The following SLC41A3 variants were observed in gnomAD, a reference collection of about 807,000 sequenced individuals.
SLC41A3 encodes solute carrier family 41 member 3.
A neutral mutation model predicts 45.4 loss-of-function variants in SLC41A3; 44 were observed. That is an observed-to-expected ratio of 0.97 (90% CI 0.76 to 1.25). The LOEUF is 1.25. Among genes scored for constraint, SLC41A3 ranks in the 50% most tolerant of loss-of-function variants. The probability of loss-of-function intolerance (pLI) is 0.00; values close to 1 mark genes in which losing one functional copy is unlikely to be tolerated. For synonymous variants in SLC41A3, 256 were observed against 252.4 expected (o/e 1.01, Z -0.13); for missense variants, 550 against 600.6 (o/e 0.92, Z 0.88).
chr3:126,049,686 G>T (rs1203321144), intron 3 of SLC41A3, among the ~76,000 whole-genome samples: 1 of 152,160 alleles, frequency 6.6e-6, no homozygotes, highest in Non-Finnish European at 1.5e-5. Flanking sequence ...CATCCCACAA[G>T]GCTCCACATG....
chr3:126,030,913 A>G (rs1941751535), intron 4 of SLC41A3, among the ~76,000 whole-genome samples: 1 of 152,242 alleles, frequency 6.6e-6, no homozygotes, highest in Non-Finnish European at 1.5e-5. Context: ...CTTTGGCTAC[A>G]ATTTATCTAT....
upstream of SLC41A3, among the ~76,000 whole-genome samples, chr3:126,086,101 A>G (rs1026135521): frequency 2.4e-4 from 36 of 151,524 alleles, no homozygotes; most frequent in Non-Finnish European, 4.9e-4. Context: ...TACTTCTAAG[A>G]AAAAAAAAGG....
intron 9 of SLC41A3, among the ~76,000 whole-genome samples, chr3:126,012,125 C>T (rs1248992251): frequency 5.9e-5 from 9 of 152,298 alleles, no homozygotes; most frequent in African/African-American, 2.4e-5. Flanking sequence ...CACACTCCTT[C>T]CTGCCTCTGG....
At chr3:126,042,417 A>G (rs1376074295) in intron 3 of SLC41A3, among the ~76,000 whole-genome samples, 4 of 152,220 alleles carry the variant, frequency 2.6e-5, no homozygotes, top group Non-Finnish European at 4.4e-5. Context: ...CTAATTGGTG[A>G]AGATTTTTCC....
chr3:126,053,503 A>G (rs1943472808), intron 2 of SLC41A3, among the ~76,000 whole-genome samples: 1 of 152,210 alleles, frequency 6.6e-6, no homozygotes, highest in African/African-American at 2.4e-5. Context: ...TAATCCAGTA[A>G]CTAACCAATT....
chr3:126,095,141 T>C (rs1945569767), intron 1 of SLC41A3: 1 of 596,896 alleles, frequency 1.7e-6, no homozygotes, highest in Non-Finnish European at 3.0e-6. Flanking sequence ...AATTGGGAAA[T>C]AGGTAAAATA....
Position 126,007,353 on chromosome 3 carries a change from C to G in SLC41A3, c.1255-128G>C, listed in dbSNP as rs898409033. On this transcript the variant is annotated intron_variant, in intron 10 of 10. Transcript: ENST00000360370. ...GTCAACCCCAGCCAGCCTCCTTCAT[C>G]CAGCTTCTCTTGGGGTCTGAAGCCC... The G allele has an allele frequency of 1.9e-4, 187 of 1,007,174 alleles. 2 individuals carry two copies. In the Admixed American group the frequency reaches 4.1e-3, roughly 22 times the overall value. 62.4% of individuals were successfully genotyped at this position (1,007,174 alleles called of 1,614,324 possible).
chr3:126,037,234 G>A (rs919137513), intron 3 of SLC41A3, among the ~76,000 whole-genome samples: 15 of 151,998 alleles, frequency 9.9e-5, no homozygotes, highest in Admixed American at 7.9e-4. Flanking sequence ...GCTCCCCTTC[G>A]CCTCCACCAT....
intron 1 of SLC41A3, among the ~76,000 whole-genome samples, chr3:126,100,944 A>G (rs1364528578): frequency 6.6e-6 from 1 of 152,250 alleles, no homozygotes; most frequent in Non-Finnish European, 1.5e-5. Flanking sequence ...TTCTGTTAAC[A>G]TGGCGAGACA....
At chr3:126,041,277 TG>T (rs760959882) in intron 3 of SLC41A3, among the ~76,000 whole-genome samples, 1 of 140,910 alleles carries the variant, frequency 7.1e-6, no homozygotes, top group Admixed American at 7.1e-5. Flanking sequence ...GGAGGGGGGG[TG>T]GGGGAATGAA....
rs771025527 is a variant in SLC41A3 at position 126,016,819 on chromosome 3, A to C, written c.802T>G (p.Trp268Gly). 22 of 1,612,532 alleles carry C rather than the reference A, an allele frequency of 1.4e-5. No individual in the cohort carries two copies. The highest frequency in any genetic ancestry group is 1.8e-5 in the Non-Finnish European group (21 of 1,179,624). ...CLSFAALTPV[W>G]VLIAKQSPPI... ...GGGCTCTGCTTGGCAATGAGGACCC[A>C]CACTGGGGTCAGAGCCGCAAAGCTG... The change falls in exon 7 of 11, where the codon TGG becomes GGG. Residue 268 changes from tryptophan to glycine, a missense_variant. By Grantham distance (184) the Trp-to-Gly change is radical. Coordinates refer to ENST00000360370, the MANE Select transcript of SLC41A3 (RefSeq NM_017836.4).
intron 2 of SLC41A3, among the ~76,000 whole-genome samples, chr3:126,063,447 G>T (rs1944175760): frequency 6.6e-6 from 1 of 152,188 alleles, no homozygotes; most frequent in Non-Finnish European, 1.5e-5. Flanking sequence ...TAACCAGGAA[G>T]TCCCTGATAA....
chr3:126,021,828 A>G (rs1302721520), intron 6 of SLC41A3, among the ~76,000 whole-genome samples: 3 of 152,232 alleles, frequency 2.0e-5, no homozygotes, highest in Non-Finnish European at 4.4e-5. Flanking sequence ...AGTAGCAGTT[A>G]CAAGTGGGAT....
chr3:126,099,683 ACTAT>A (rs774324556), intron 1 of SLC41A3, among the ~76,000 whole-genome samples: 3 of 152,306 alleles, frequency 2.0e-5, no homozygotes, highest in Admixed American at 1.3e-4. Flanking sequence ...AGTGACAGAG[ACTAT>A]CTAAATAAAT....
At chr3:126,056,933 G>T in intron 2 of SLC41A3, 1 of 1,091,112 alleles carries the variant, frequency 9.2e-7, no homozygotes, top group Non-Finnish European at 1.1e-6. Context: ...AGCCCAGCAG[G>T]CTGGTCCATA....
chr3:126,056,232 G>C, intron 2 of SLC41A3: 1 of 1,230,168 alleles, frequency 8.1e-7, no homozygotes, highest in Non-Finnish European at 1.1e-6. Context: ...CAAGCAGCAA[G>C]GGCAGGTTGA....
intron 2 of SLC41A3, chr3:126,056,727 G>C: frequency 7.0e-7 from 1 of 1,430,938 alleles, no homozygotes; most frequent in African/African-American, 1.4e-5. Context: ...CCTCGGCTGA[G>C]GGCCAGCACA....
intron 1 of SLC41A3, among the ~76,000 whole-genome samples, chr3:126,076,638 A>T (rs1255331280): frequency 6.6e-6 from 1 of 152,208 alleles, no homozygotes; most frequent in Non-Finnish European, 1.5e-5. Context: ...TCAAGAAGCA[A>T]AGCATGACCA....
chr3:126,008,855 G>A lies in SLC41A3; in HGVS notation c.1131C>T (p.Val377=). ...GGCCTGGGACCACCAGCAAGAGCAG[G>A]ACTCGAGCTGACATGGAATTGATTT... ...TSEINSMSAR[V]LLLLVVPGHL... The change falls in exon 10 of 11, where the codon GTC becomes GTT. Residue 377 remains valine (V), a synonymous_variant. Transcript: ENST00000360370. 6.2e-7 allele frequency: 1 copy of A among 1,614,152 alleles called. No individual in the cohort carries two copies. The highest frequency in any genetic ancestry group is 1.1e-5 in the South Asian group (1 of 91,078).
Sources: allele counts gnomAD v4.1 joint callset (sites outside exome capture counted in the v4.1 genomes callset), GRCh38; gene constraint gnomAD v4.1.1; transcripts MANE v1.5; gene names NCBI Gene and HGNC (gene_info 2026-07-23, HGNC 2026-07-21).